The following SH3BGRL2 variants were observed in gnomAD, a reference collection of about 807,000 sequenced individuals.
SH3BGRL2 encodes SH3 domain-binding glutamic acid-rich-like protein 2.
In SH3BGRL2, 21 loss-of-function variants were observed where a neutral mutation model predicts 14.8. That is an observed-to-expected ratio of 1.42 (90% CI 1.01 to 2.05). The LOEUF (loss-of-function observed/expected upper bound fraction) is 2.05, where lower values mean the gene tolerates loss of function less well. SH3BGRL2 is among the 30% of genes most tolerant of loss of function. SH3BGRL2 has a pLI of 0.00. For synonymous variants in SH3BGRL2, 50 were observed against 47.8 expected (o/e 1.05, Z -0.19); for missense variants, 147 against 130.8 (o/e 1.12, Z -0.61).
At chr6:79,548,438 A>G in the SH3BGRL2 span, among the ~76,000 whole-genome samples, 1 of 152,306 alleles carries the variant, frequency 6.6e-6, no homozygotes, top group East Asian at 1.9e-4. Context: ...GTTTTTCAGT[A>G]GAAAACAGTT....
chr6:79,559,312 T>G, the SH3BGRL2 span, among the ~76,000 whole-genome samples: 1 of 152,110 alleles, frequency 6.6e-6, no homozygotes, highest in Non-Finnish European at 1.5e-5. Context: ...TGCAAATTTT[T>G]TTTTGTAATT....
At chr6:79,561,004 C>T in the SH3BGRL2 span, 3 of 149,596 alleles carry the variant, frequency 2.0e-5, no homozygotes, top group Non-Finnish European at 4.4e-5. Flanking sequence ...CCTCAGCCTC[C>T]CAAGTAGCTG....
chr6:79,558,526 A>G, the SH3BGRL2 span, among the ~76,000 whole-genome samples: 1 of 152,164 alleles, frequency 6.6e-6, no homozygotes, highest in Non-Finnish European at 1.5e-5. Context: ...ATAGTCATAT[A>G]TTTTACTTAG....
Position 79,670,020 on chromosome 6 carries a change from C to CA in SH3BGRL2, c.46-3593dup, listed in dbSNP as rs1290150401. 2.6e-5 allele frequency among the ~76,000 whole-genome samples: 4 copies of CA among 152,352 alleles called. No individual in the cohort carries two copies. The East Asian group carries it at 7.7e-4, about 29-fold the overall frequency. ...ATATTTTAGGCATTGGGGGATCACA[C>CA]AGTCTCTGTTGTAACTTCTGAACTC... On this transcript the variant is annotated intron_variant, in intron 1 of 3. Transcript: ENST00000369838.
chr6:79,691,022 G>C (rs1649050679), intron 2 of SH3BGRL2, among the ~76,000 whole-genome samples: 1 of 152,036 alleles, frequency 6.6e-6, no homozygotes, highest in African/African-American at 2.4e-5. Flanking sequence ...GGGTGTGGTG[G>C]TGTGCACCTG....
At chr6:79,591,319 A>G in the SH3BGRL2 span, among the ~76,000 whole-genome samples, 1 of 152,130 alleles carries the variant, frequency 6.6e-6, no homozygotes, top group African/African-American at 2.4e-5. Context: ...GGGGCTATTG[A>G]TCTAATCTTT....
chr6:79,691,530 G>GGT (rs60242908), intron 2 of SH3BGRL2, among the ~76,000 whole-genome samples: 14,299 of 119,358 alleles, frequency 0.12, 1,223 homozygotes, highest in East Asian at 0.29. Flanking sequence ...AACAGTCCCC[G>GGT]GTGTGTGACG....
the SH3BGRL2 span, among the ~76,000 whole-genome samples, chr6:79,605,947 A>G: frequency 6.6e-6 from 1 of 152,234 alleles, no homozygotes; most frequent in Non-Finnish European, 1.5e-5. Flanking sequence ...TTCAACTGTC[A>G]ACTTAATTAT....
chr6:79,636,644 A>T (rs113439034), intron 1 of SH3BGRL2, among the ~76,000 whole-genome samples: 9 of 152,342 alleles, frequency 5.9e-5, no homozygotes, highest in African/African-American at 2.2e-4. Context: ...GCCTGAGATC[A>T]GGGAGTTGGT....
chr6:79,638,556 T>G (rs1457307518), intron 1 of SH3BGRL2, among the ~76,000 whole-genome samples: 1 of 152,204 alleles, frequency 6.6e-6, no homozygotes. Flanking sequence ...ACTCATATAC[T>G]GCTTCCCACC....
At chr6:79,650,893 T>C (rs990189442) in intron 1 of SH3BGRL2, among the ~76,000 whole-genome samples, 4 of 149,054 alleles carry the variant, frequency 2.7e-5, no homozygotes, top group African/African-American at 9.8e-5. Context: ...TAAATAATTA[T>C]ATAAAAATAT....
At position 79,664,590 on chromosome 6, in the gene SH3BGRL2, CA is replaced by C. The variant is rs141151887; in HGVS notation, c.46-9021del. On this transcript the variant is annotated intron_variant, in intron 1 of 3. Transcript: ENST00000369838. The stretch of plus-strand genomic sequence containing the variant: ...GTCACTGTCACTGTGTTCAGTCCAG[CA>C]AAGCCACATGTTCACAGACCAACCA... 8.5e-3 allele frequency among the ~76,000 whole-genome samples: 1,295 copies of C among 152,278 alleles called. 18 individuals are homozygous for C. Among genetic ancestry groups the C allele is most frequent in the African/African-American group, 0.029 (1,212 of 41,552 alleles).
At chr6:79,670,854 C>T (rs1055820170) in intron 1 of SH3BGRL2, among the ~76,000 whole-genome samples, 1 of 152,118 alleles carries the variant, frequency 6.6e-6, no homozygotes, top group Non-Finnish European at 1.5e-5. Context: ...ACCATATCTG[C>T]GTTTCTGCAA....
At chr6:79,565,659 A>C in the SH3BGRL2 span, among the ~76,000 whole-genome samples, 1 of 152,222 alleles carries the variant, frequency 6.6e-6, no homozygotes, top group Non-Finnish European at 1.5e-5. Context: ...GTCCCAACAC[A>C]TTGAATGCCT....
chr6:79,692,092 T>C (rs1300143713), intron 2 of SH3BGRL2, among the ~76,000 whole-genome samples: 3 of 152,254 alleles, frequency 2.0e-5, no homozygotes, highest in Non-Finnish European at 4.4e-5. Flanking sequence ...TGATTTGCAT[T>C]TCTCTAATGG....
At chr6:79,560,867 C>CTTTTTT in the SH3BGRL2 span, among the ~76,000 whole-genome samples, 161 of 45,786 alleles carry the variant, frequency 3.5e-3, 7 homozygotes, top group Non-Finnish European at 4.9e-3. Context: ...ACAATACACT[C>CTTTTTT]TTTTTTTTTT....
At chr6:79,551,569 G>C in the SH3BGRL2 span, among the ~76,000 whole-genome samples, 1 of 152,270 alleles carries the variant, frequency 6.6e-6, no homozygotes, top group East Asian at 1.9e-4. Flanking sequence ...TATGCCTCCA[G>C]CCAAGACCAG....
At chr6:79,632,793 AT>A (rs779019118) in intron 1 of SH3BGRL2, among the ~76,000 whole-genome samples, 29 of 152,144 alleles carry the variant, frequency 1.9e-4, no homozygotes, top group Non-Finnish European at 4.0e-4. Context: ...CCTTTTGTAG[AT>A]TTCCCCACTG....
chr6:79,565,412 C>G, the SH3BGRL2 span, among the ~76,000 whole-genome samples: 1 of 151,816 alleles, frequency 6.6e-6, no homozygotes, highest in Non-Finnish European at 1.5e-5. Flanking sequence ...TGTTTTTTTA[C>G]TATTATTTAC....
Sources: gnomAD v4.1 joint callset for allele counts (sites outside exome capture counted in the v4.1 genomes callset) on GRCh38, gnomAD v4.1.1 for gene constraint, MANE v1.5 for transcripts, NCBI Gene and HGNC (gene_info 2026-07-23, HGNC 2026-07-21) for gene names.